The following BNC2 variants were observed in gnomAD, a reference collection of about 807,000 sequenced individuals.
The protein encoded by BNC2 is zinc finger protein basonuclin-2.
BNC2 carries 20 observed loss-of-function variants against 76.3 expected under a neutral mutation model. That is an observed-to-expected ratio of 0.26 (90% CI 0.18 to 0.38). The LOEUF (loss-of-function observed/expected upper bound fraction) is 0.38, where lower values mean the gene tolerates loss of function less well. Among genes scored for constraint, BNC2 ranks in the 10% least tolerant of loss-of-function variants. The pLI, the probability that BNC2 is intolerant of heterozygous loss-of-function variation, is 1.00. For synonymous variants in BNC2, 582 were observed against 514.8 expected (o/e 1.13, Z -1.77); for missense variants, 1,382 against 1,399.8 (o/e 0.99, Z 0.20).
intron 1 of BNC2, among the ~76,000 whole-genome samples, chr9:16,784,610 G>C (rs1826233658): frequency 6.6e-6 from 1 of 152,226 alleles, no homozygotes; most frequent in African/African-American, 2.4e-5. Flanking sequence ...AATACAGAGA[G>C]TCTGCAATAA....
chr9:16,790,313 A>T (rs1817469762), intron 1 of BNC2, among the ~76,000 whole-genome samples: 1 of 152,240 alleles, frequency 6.6e-6, no homozygotes, highest in Non-Finnish European at 1.5e-5. Context: ...TGATTTTAAT[A>T]ATCAACAGAA....
chr9:16,498,141 TATCATATATATTCC>T (rs1179143348), intron 5 of BNC2, among the ~76,000 whole-genome samples: 11 of 119,648 alleles, frequency 9.2e-5, no homozygotes, highest in Non-Finnish European at 1.5e-4. Flanking sequence ...ATATATATTC[TATCATATATATTCC>T]ATCATATATA....
chr9:16,634,862 G>C (rs1303267074), intron 3 of BNC2, among the ~76,000 whole-genome samples: 1 of 149,700 alleles, frequency 6.7e-6, no homozygotes, highest in East Asian at 2.0e-4. Flanking sequence ...CTGAGGGGAG[G>C]GGGAACACAT....
chr9:16,600,601 A>G (rs1041902809), intron 3 of BNC2, among the ~76,000 whole-genome samples: 3 of 152,158 alleles, frequency 2.0e-5, no homozygotes, highest in African/African-American at 7.2e-5. Context: ...TTCTAGCTGA[A>G]AAACATCATT....
At chr9:16,430,145 C>A (rs1249463483) in intron 6 of BNC2, 2 of 404,086 alleles carry the variant, frequency 4.9e-6, no homozygotes, top group South Asian at 1.8e-5. Flanking sequence ...AAGATAAGTA[C>A]AAAAGGTCTA....
chr9:16,865,249 G>C (rs1405943839), intron 1 of BNC2, among the ~76,000 whole-genome samples: 2 of 152,032 alleles, frequency 1.3e-5, no homozygotes, highest in Non-Finnish European at 1.5e-5. Context: ...AGGCTGGCTT[G>C]ATGCTATTCC....
chr9:16,452,334 G>C (rs773639241), intron 5 of BNC2, among the ~76,000 whole-genome samples: 3 of 152,130 alleles, frequency 2.0e-5, no homozygotes, highest in Non-Finnish European at 2.9e-5. Flanking sequence ...CTCTCATATA[G>C]TTGGCAGTTC....
chr9:16,604,537 C>T (rs1263308138), intron 3 of BNC2, among the ~76,000 whole-genome samples: 1 of 152,156 alleles, frequency 6.6e-6, no homozygotes, highest in Non-Finnish European at 1.5e-5. Flanking sequence ...TGGCTCATGC[C>T]TGTAACCCCA....
At chr9:16,493,226 G>A (rs1822315010) in intron 5 of BNC2, among the ~76,000 whole-genome samples, 1 of 152,162 alleles carries the variant, frequency 6.6e-6, no homozygotes, top group Non-Finnish European at 1.5e-5. Flanking sequence ...ACACTAAGGT[G>A]CTCTATCCAT....
chr9:16,763,575 A>AC (rs1755133320), intron 1 of BNC2, among the ~76,000 whole-genome samples: 1 of 151,678 alleles, frequency 6.6e-6, no homozygotes, highest in African/African-American at 2.4e-5. Context: ...GTCTCAAAAA[A>AC]ACAAAAAAAA....
intron 6 of BNC2, chr9:16,429,651 T>G (rs1012976775): frequency 4.0e-6 from 1 of 250,110 alleles, no homozygotes; most frequent in South Asian, 5.0e-5. Flanking sequence ...AAGAGTTATA[T>G]AGAAGCATTG....
intron 5 of BNC2, among the ~76,000 whole-genome samples, chr9:16,541,136 C>T (rs1458184860): frequency 1.3e-5 from 2 of 152,180 alleles, no homozygotes; most frequent in Non-Finnish European, 2.9e-5. Flanking sequence ...AGTTAATCTC[C>T]ATCGATGTGT....
chr9:16,594,574 G>A (rs563821337), intron 3 of BNC2, among the ~76,000 whole-genome samples: 12 of 152,248 alleles, frequency 7.9e-5, no homozygotes, highest in African/African-American at 2.6e-4. Context: ...AAGTTGTTAC[G>A]TTTTAGAATT....
chr9:16,684,663 A>G (rs1160907703), intron 3 of BNC2, among the ~76,000 whole-genome samples: 2 of 151,950 alleles, frequency 1.3e-5, no homozygotes, highest in Admixed American at 6.6e-5. Context: ...GGCCAAATGG[A>G]GGTCCTAAAA....
chr9:16,731,190 A>G (rs1473142894), intron 2 of BNC2, among the ~76,000 whole-genome samples: 1 of 152,230 alleles, frequency 6.6e-6, no homozygotes, highest in Non-Finnish European at 1.5e-5. Context: ...CAATTATGGA[A>G]TAACTCTCTG....
At chr9:16,475,662 C>T (rs7043024) in intron 5 of BNC2, among the ~76,000 whole-genome samples, 38,532 of 150,970 alleles carry the variant, frequency 0.26, 6,455 homozygotes, top group African/African-American at 0.48. Context: ...ATAAATCAAA[C>T]AGTGTCTTTT....
In BNC2 at chr9:16,601,338, G is replaced by A. The variant is rs141232498; in HGVS notation, c.331-18253C>T. ...ACCTCATTTGGCTCACCCTACTCCTGGCCCTATATTGTTAACACTTGTGGT... is the reference window on the plus strand; with the variant it reads ...ACCTCATTTGGCTCACCCTACTCCTAGCCCTATATTGTTAACACTTGTGGT... On this transcript the variant is annotated intron_variant, in intron 3 of 6. Transcript: ENST00000380672. Among the ~76,000 whole-genome samples the A allele has an allele frequency of 4.5e-4, 69 of 152,152 alleles. No individual in the cohort carries two copies. The South Asian group carries it at 6.0e-3, about 13-fold the overall frequency.
intron 1 of BNC2, among the ~76,000 whole-genome samples, chr9:16,779,890 T>C (rs972131978): frequency 1.3e-5 from 2 of 152,046 alleles, no homozygotes; most frequent in African/African-American, 4.8e-5. Flanking sequence ...TTTTCTGAGG[T>C]AATAAAAACG....
At chr9:16,748,100 G>A (rs76448626) in intron 1 of BNC2, among the ~76,000 whole-genome samples, 5 of 152,306 alleles carry the variant, frequency 3.3e-5, no homozygotes, top group African/African-American at 2.4e-5. Context: ...TAAATACTGT[G>A]TACTATCATT....
Sources: gnomAD v4.1 joint callset for allele counts (sites outside exome capture counted in the v4.1 genomes callset) on GRCh38, gnomAD v4.1.1 for gene constraint, MANE v1.5 for transcripts, NCBI Gene and HGNC (gene_info 2026-07-23, HGNC 2026-07-21) for gene names.